Variants in SLC35F3 observed in about 807,000 individuals in gnomAD.
The protein encoded by SLC35F3 is solute carrier family 35 member F3.
In SLC35F3, 25 loss-of-function variants were observed where a neutral mutation model predicts 49.9. The ratio of observed to expected loss-of-function variants is 0.50; its 90% CI spans 0.37 to 0.70. The LOEUF (loss-of-function observed/expected upper bound fraction) is 0.70. SLC35F3 is among the 30% of genes least tolerant of loss of function. The probability of loss-of-function intolerance (pLI) is 0.00; values close to 1 mark genes in which losing one functional copy is unlikely to be tolerated. For synonymous variants in SLC35F3, 275 were observed against 265.4 expected, an observed-to-expected ratio of 1.04 and a Z score of -0.35; for missense variants, 525 against 639.8, an observed-to-expected ratio of 0.82 and a Z score of 1.94.
At chr1:234,244,936 A>G (rs1233941782) in intron 3 of SLC35F3, among the ~76,000 whole-genome samples, 1 of 152,330 alleles carries the variant, frequency 6.6e-6, no homozygotes, top group Admixed American at 6.5e-5. Flanking sequence ...GGTTTCCATC[A>G]CTTTGAGTAT....
chr1:234,108,354 TTA>T (rs1195545883), intron 2 of SLC35F3, among the ~76,000 whole-genome samples: 25 of 113,118 alleles, frequency 2.2e-4, no homozygotes, highest in African/African-American at 3.2e-4. Flanking sequence ...AGATATATAT[TTA>T]TATATATGAT....
chr1:233,906,084 A>C (rs1661771965), intron 2 of SLC35F3, among the ~76,000 whole-genome samples: 1 of 152,220 alleles, frequency 6.6e-6, no homozygotes, highest in South Asian at 2.1e-4. Flanking sequence ...AGTATCCCGG[A>C]CAGTGTGGCT....
chr1:234,248,370 G>T (rs1667679708), intron 3 of SLC35F3, among the ~76,000 whole-genome samples: 1 of 133,098 alleles, frequency 7.5e-6, no homozygotes, highest in South Asian at 2.5e-4. Context: ...CCGGTCCATT[G>T]TTCAGTGGGT....
At chr1:234,016,284 T>C (rs1196400831) in intron 2 of SLC35F3, among the ~76,000 whole-genome samples, 1 of 152,192 alleles carries the variant, frequency 6.6e-6, no homozygotes, top group Non-Finnish European at 1.5e-5. Context: ...CAATCTCACT[T>C]CTGAATATGT....
Position 234,046,772 on chromosome 1 carries a change from A to C in SLC35F3, c.283+141014A>C, listed in dbSNP as rs1664297009. Among the ~76,000 whole-genome samples the C allele has an allele frequency of 6.6e-6, 1 of 152,232 alleles. No homozygotes were observed. Among genetic ancestry groups the C allele is most frequent in the Non-Finnish European group, 1.5e-5 (1 of 68,030 alleles). ...CCTGAAATTTGTCTGTAATGATAAT[A>C]GACCTCTAATGCTAATATGAAGTAC... On this transcript the variant is annotated intron_variant, in intron 2 of 7. Transcript: ENST00000366618. This position sits in a 1 kb window ranked among gnomAD's most constrained non-coding sequence, Gnocchi z 4.4.
chr1:233,943,731 T>C (rs1026353895), intron 2 of SLC35F3, among the ~76,000 whole-genome samples: 4 of 152,200 alleles, frequency 2.6e-5, no homozygotes, highest in Non-Finnish European at 1.5e-5. Context: ...AGGAAAGGTG[T>C]AAAAAGATAA....
chr1:234,095,638 A>G (rs1665104790), intron 2 of SLC35F3, among the ~76,000 whole-genome samples: 1 of 152,200 alleles, frequency 6.6e-6, no homozygotes, highest in Non-Finnish European at 1.5e-5. Flanking sequence ...TCATGAGAGC[A>G]TGGGTATTGG....
At chr1:233,992,426 GAGA>G (rs1385476771) in intron 2 of SLC35F3, among the ~76,000 whole-genome samples, 3 of 152,168 alleles carry the variant, frequency 2.0e-5, no homozygotes, top group Non-Finnish European at 2.9e-5. Flanking sequence ...CATCATCTCA[GAGA>G]AGGTCGACGG....
At chr1:233,962,186 T>C (rs560890279) in intron 2 of SLC35F3, among the ~76,000 whole-genome samples, 1 of 152,372 alleles carries the variant, frequency 6.6e-6, no homozygotes, top group Non-Finnish European at 1.5e-5. Flanking sequence ...CAGATATTTT[T>C]CTATTAAAGA....
chr1:233,964,463 A>G (rs1662864079), intron 2 of SLC35F3, among the ~76,000 whole-genome samples: 1 of 152,214 alleles, frequency 6.6e-6, no homozygotes, highest in African/African-American at 2.4e-5. Context: ...GGAGGACCTC[A>G]CCATGAGGGA....
chr1:234,052,596 A>G (rs1664395531), intron 2 of SLC35F3, among the ~76,000 whole-genome samples: 2 of 151,674 alleles, frequency 1.3e-5, no homozygotes, highest in Non-Finnish European at 2.9e-5. Flanking sequence ...GAGCTCCTGG[A>G]TTCATTGATT....
intron 2 of SLC35F3, among the ~76,000 whole-genome samples, chr1:233,965,177 G>GT (rs1662882452): frequency 6.6e-6 from 1 of 152,200 alleles, no homozygotes; most frequent in African/African-American, 2.4e-5. Flanking sequence ...AAGGGTTGAA[G>GT]TTTTTTTAGA....
intron 2 of SLC35F3, among the ~76,000 whole-genome samples, chr1:234,127,768 G>T (rs1665671110): frequency 1.3e-5 from 2 of 152,162 alleles, no homozygotes; most frequent in Non-Finnish European, 2.9e-5. Flanking sequence ...GTTTACATTA[G>T]AATAGATTTA....
intron 2 of SLC35F3, among the ~76,000 whole-genome samples, chr1:234,199,717 G>A (rs1558257968): frequency 6.6e-6 from 1 of 152,078 alleles, no homozygotes; most frequent in Non-Finnish European, 1.5e-5. Flanking sequence ...CCACAGATTG[G>A]AAGAAAATAT....
rs1262291433 is a variant in SLC35F3 at position 234,080,134 on chromosome 1, A to T, written c.284-151283A>T. On this transcript the variant is annotated intron_variant, in intron 2 of 7. Coordinates refer to ENST00000366618, the MANE Select transcript of SLC35F3 (RefSeq NM_173508.4). The stretch of plus-strand genomic sequence containing the variant: ...CAGGGAGAGGAGAGGCTGAGCGTTC[A>T]CTTAATCACCCATGGCTAATGATTT... Among the ~76,000 whole-genome samples the T allele has an allele frequency of 2.6e-5, 4 of 152,164 alleles. No homozygotes were observed. In the East Asian group the frequency reaches 7.7e-4, roughly 29 times the overall value.
At chr1:234,042,842 G>A (rs1018483919) in intron 2 of SLC35F3, among the ~76,000 whole-genome samples, 1 of 152,032 alleles carries the variant, frequency 6.6e-6, no homozygotes, top group African/African-American at 2.4e-5. Context: ...CAACTGAAAT[G>A]GTGTCGAAGA....
intron 2 of SLC35F3, among the ~76,000 whole-genome samples, chr1:234,201,457 A>G (rs1024109497): frequency 2.6e-5 from 4 of 152,226 alleles, no homozygotes; most frequent in Non-Finnish European, 5.9e-5. Context: ...CCATGGTTAC[A>G]TGTGCCTTAA....
intron 2 of SLC35F3, among the ~76,000 whole-genome samples, chr1:233,997,749 T>C (rs1663484040): frequency 6.6e-6 from 1 of 152,124 alleles, no homozygotes; most frequent in South Asian, 2.1e-4. Context: ...GTTCATATTT[T>C]CTTTCTTTTT....
chr1:234,152,350 C>T (rs967255460), intron 2 of SLC35F3, among the ~76,000 whole-genome samples: 10 of 151,910 alleles, frequency 6.6e-5, no homozygotes, highest in South Asian at 2.1e-4. Context: ...CCGTCATCTA[C>T]GTTAGGTATT....
Sources: allele counts gnomAD v4.1 joint callset (sites outside exome capture counted in the v4.1 genomes callset), GRCh38; gene constraint gnomAD v4.1.1; non-coding constraint Gnocchi (gnomAD v3.1); transcripts MANE v1.5; gene names NCBI Gene and HGNC (gene_info 2026-07-23, HGNC 2026-07-21).